The following B3GALT1 variants were observed in gnomAD, a reference collection of about 807,000 sequenced individuals.
The protein encoded by B3GALT1 is UDP-Gal:betaGlcNAc beta 1,3-galactosyltransferase, polypeptide 1.
Under a neutral mutation model 23.2 loss-of-function variants are expected in B3GALT1, and 10 were observed. The observed-to-expected ratio is 0.43, with a 90% CI of 0.27 to 0.73. B3GALT1 has a LOEUF of 0.73. Ranked by LOEUF, B3GALT1 falls within the 30% of genes least tolerant of loss-of-function variation. The pLI is 0.21. For synonymous variants in B3GALT1, 156 were observed against 141.5 expected, an observed-to-expected ratio of 1.10 and a Z score of -0.73; for missense variants, 299 against 405.4, an observed-to-expected ratio of 0.74 and a Z score of 2.25.
rs956643944 is a variant in B3GALT1 at position 167,442,607 on chromosome 2, AT to A, written c.-510-47567del. Among the ~76,000 whole-genome samples, 37 of 151,282 alleles carry A rather than the reference AT, an allele frequency of 2.4e-4. 1 individual carries two copies. Among genetic ancestry groups the A allele is most frequent in the African/African-American group, 9.1e-4 (37 of 40,744 alleles). On this transcript the variant is annotated intron_variant, in intron 1 of 4. Transcript: ENST00000392690. ...CAGATGGTATGTCATTGTGGTTTTGATTTGCATTTCTCTGATGGCCAGTGAT... is the reference window on the plus strand; with the variant it reads ...CAGATGGTATGTCATTGTGGTTTTGATTGCATTTCTCTGATGGCCAGTGAT...
chr2:167,828,017 A>G (rs1250503888), intron 4 of B3GALT1, among the ~76,000 whole-genome samples: 2 of 152,130 alleles, frequency 1.3e-5, no homozygotes, highest in African/African-American at 4.8e-5. Context: ...GAACACACAG[A>G]ATTAAGTAAG....
chr2:167,650,628 C>A (rs1174586607), intron 3 of B3GALT1, among the ~76,000 whole-genome samples: 1 of 151,938 alleles, frequency 6.6e-6, no homozygotes, highest in East Asian at 1.9e-4. Context: ...TGGTAGAATT[C>A]ATCAGTGAAG....
intron 1 of B3GALT1, among the ~76,000 whole-genome samples, chr2:167,351,835 A>G (rs1697313046): frequency 6.6e-6 from 1 of 152,032 alleles, no homozygotes; most frequent in Non-Finnish European, 1.5e-5. Context: ...CATGACCACT[A>G]CTGTCTTTGC....
chr2:167,345,907 CAA>C lies in B3GALT1; in HGVS notation c.-511+52575_-511+52576del, dbSNP rs2105251357. Among the ~76,000 whole-genome samples the C allele has an allele frequency of 2.0e-5, 3 of 152,182 alleles. No individual in the cohort carries two copies. In the South Asian group the frequency reaches 6.2e-4, roughly 32 times the overall value. ...GTCTTCCCATATCATCATCTGAAAA[CAA>C]AGTTAAAAGGCTTTTGTCCATTTTC... On this transcript the variant is annotated intron_variant, in intron 1 of 4. Transcript: ENST00000392690.
chr2:167,780,127 C>T (rs1201643036), intron 3 of B3GALT1, among the ~76,000 whole-genome samples: 2 of 152,112 alleles, frequency 1.3e-5, no homozygotes, highest in African/African-American at 2.4e-5. Context: ...TAACCTCCAC[C>T]GTATTCTAGA....
At chr2:167,455,795 G>A (rs1196273476) in intron 1 of B3GALT1, among the ~76,000 whole-genome samples, 1 of 152,120 alleles carries the variant, frequency 6.6e-6, no homozygotes, top group African/African-American at 2.4e-5. Context: ...TTAGAGACAT[G>A]GGCCCTCACA....
intron 3 of B3GALT1, among the ~76,000 whole-genome samples, chr2:167,689,180 G>A (rs1686669956): frequency 6.7e-6 from 1 of 148,508 alleles, no homozygotes; most frequent in Non-Finnish European, 1.5e-5. Flanking sequence ...CAACAACAGG[G>A]AAATGCATTA....
At chr2:167,577,559 A>G (rs1169289862) in intron 2 of B3GALT1, among the ~76,000 whole-genome samples, 2 of 151,902 alleles carry the variant, frequency 1.3e-5, no homozygotes, top group East Asian at 3.9e-4. Flanking sequence ...ATCCAGATGC[A>G]TCAGTTGATC....
chr2:167,482,061 A>G (rs1193713847), intron 1 of B3GALT1, among the ~76,000 whole-genome samples: 1 of 152,182 alleles, frequency 6.6e-6, no homozygotes, highest in Non-Finnish European at 1.5e-5. Flanking sequence ...TAGCTGTAGA[A>G]GGGTAGGAAA....
At chr2:167,512,757 C>T (rs1163149944) in intron 2 of B3GALT1, among the ~76,000 whole-genome samples, 2 of 147,460 alleles carry the variant, frequency 1.4e-5, no homozygotes, top group Non-Finnish European at 3.0e-5. Context: ...CCACCTCAGC[C>T]TCCCAAATAG....
At chr2:167,843,233 G>A (rs1290106918) in intron 4 of B3GALT1, among the ~76,000 whole-genome samples, 1 of 152,192 alleles carries the variant, frequency 6.6e-6, no homozygotes, top group East Asian at 1.9e-4. Flanking sequence ...TGTATTTTTA[G>A]TCTAATTTGA....
chr2:167,430,956 T>C (rs1698696830), intron 1 of B3GALT1, among the ~76,000 whole-genome samples: 1 of 152,198 alleles, frequency 6.6e-6, no homozygotes, highest in African/African-American at 2.4e-5. Context: ...GAGGAATAAA[T>C]GAACTGCTTA....
chr2:167,564,073 G>A (rs1212677125), intron 2 of B3GALT1, among the ~76,000 whole-genome samples: 1 of 151,398 alleles, frequency 6.6e-6, no homozygotes, highest in Non-Finnish European at 1.5e-5. Context: ...AGACGGGGCG[G>A]CTGCCGGGCG....
chr2:167,363,728 C>T (rs73019768), intron 1 of B3GALT1, among the ~76,000 whole-genome samples: 2,462 of 152,256 alleles, frequency 0.016, 70 homozygotes, highest in African/African-American at 0.056. Flanking sequence ...GTTTTCATTT[C>T]CTTGACTTAT....
chr2:167,654,833 C>CT lies in B3GALT1; in HGVS notation c.-352+7868dup, dbSNP rs550447011. 1.9e-3 allele frequency among the ~76,000 whole-genome samples: 280 copies of CT among 150,068 alleles called. 1 individual carries two copies. The highest frequency in any genetic ancestry group is 3.5e-3 in the Admixed American group (52 of 15,054). On this transcript the variant is annotated intron_variant, in intron 3 of 4. Coordinates refer to ENST00000392690, the MANE Select transcript of B3GALT1 (RefSeq NM_020981.4). ...TTTTTTTTCCACTTAACTTTAGACT[C>CT]TAATTCTTGACTCTCAGATTCTGTA...
At chr2:167,770,216 C>T (rs574333540) in intron 3 of B3GALT1, among the ~76,000 whole-genome samples, 46 of 152,304 alleles carry the variant, frequency 3.0e-4, no homozygotes, top group Non-Finnish European at 5.9e-4. Context: ...AAGTGATCCT[C>T]CCACCTCAGC....
intron 1 of B3GALT1, among the ~76,000 whole-genome samples, chr2:167,371,231 C>A (rs1697680090): frequency 6.6e-6 from 1 of 151,820 alleles, no homozygotes; most frequent in African/African-American, 2.4e-5. Flanking sequence ...CCTTGTCGTA[C>A]ATAGTAGGTA....
At chr2:167,569,244 T>C (rs369318221) in intron 2 of B3GALT1, among the ~76,000 whole-genome samples, 1 of 151,936 alleles carries the variant, frequency 6.6e-6, no homozygotes, top group Non-Finnish European at 1.5e-5. Context: ...TCAGTTTGTC[T>C]ACAGCCATAA....
intron 1 of B3GALT1, among the ~76,000 whole-genome samples, chr2:167,320,127 T>G (rs1334825847): frequency 2.6e-5 from 4 of 151,982 alleles, no homozygotes; most frequent in Non-Finnish European, 5.9e-5. Context: ...ATACTGATAT[T>G]ATGAATTTAT....
Sources: allele counts gnomAD v4.1 joint callset (sites outside exome capture counted in the v4.1 genomes callset), GRCh38; gene constraint gnomAD v4.1.1; transcripts MANE v1.5; gene names NCBI Gene and HGNC (gene_info 2026-07-23, HGNC 2026-07-21).